GNB5: variants seen among roughly 807,000 people sequenced by gnomAD.
GNB5 encodes the protein G protein subunit beta 5.
Under a neutral mutation model 55.3 loss-of-function variants are expected in GNB5, and 37 were observed. That is an observed-to-expected ratio of 0.67 (90% confidence interval 0.51 to 0.88). GNB5 has a LOEUF of 0.88. Among genes scored for constraint, GNB5 ranks in the 40% least tolerant of loss-of-function variants. GNB5 has a pLI of 0.00. For missense variants in GNB5, 476 were observed against 515.3 expected, an observed-to-expected ratio of 0.92 and a Z score of 0.74; for synonymous variants, 219 against 198.5, an observed-to-expected ratio of 1.10 and a Z score of -0.87.
rs2141174663 is a variant in GNB5 at position 52,118,500 on chromosome 15, GT to G, written c.*4256del. The G allele has an allele frequency of 6.6e-6, 1 of 152,050 alleles. No homozygotes were observed. Among genetic ancestry groups the G allele is most frequent in the African/African-American group, 2.4e-5 (1 of 41,466 alleles). The allele number at this position is 152,050 out of a possible 1,614,324, so 9.4% of individuals were successfully genotyped here. ...TCTTGTGTTTTATAACTTTTTCTCA[GT>G]CTTAATTTCTAATACAATAAATATG... On this transcript the variant is annotated 3_prime_UTR_variant, in exon 13 of 13. Coordinates refer to ENST00000261837, the MANE Select transcript of GNB5 (RefSeq NM_016194.4).
At chr15:52,175,820 G>A (rs886489704) in intron 3 of GNB5, among the ~76,000 whole-genome samples, 10 of 152,034 alleles carry the variant, frequency 6.6e-5, no homozygotes, top group Admixed American at 3.9e-4. Flanking sequence ...GGAGGCCAAG[G>A]TGGACGGATC....
chr15:52,165,645 A>T (rs947331119), intron 3 of GNB5, among the ~76,000 whole-genome samples: 2 of 152,192 alleles, frequency 1.3e-5, no homozygotes, highest in African/African-American at 4.8e-5. Flanking sequence ...AGACAAGCAA[A>T]TGCTGAGGAA....
intron 8 of GNB5, 76 bp downstream of exon 8, chr15:52,135,537 T>C: frequency 7.6e-7 from 1 of 1,309,912 alleles, no homozygotes; most frequent in Non-Finnish European, 1.1e-6. Context: ...GCTAATCCCA[T>C]GAATGGACAA....
At chr15:52,168,813 T>A (rs552736966) in intron 3 of GNB5, among the ~76,000 whole-genome samples, 1 of 152,114 alleles carries the variant, frequency 6.6e-6, no homozygotes, top group South Asian at 2.1e-4. Context: ...AGAAATAAGA[T>A]TGCACACCTA....
chr15:52,155,543 T>C (rs996543226), intron 3 of GNB5, among the ~76,000 whole-genome samples: 2 of 152,214 alleles, frequency 1.3e-5, no homozygotes, highest in Admixed American at 6.5e-5. Flanking sequence ...TACAGACTTA[T>C]TGAGATACTG....
intron 9 of GNB5, among the ~76,000 whole-genome samples, chr15:52,131,246 C>T (rs916015976): frequency 1.3e-5 from 2 of 152,190 alleles, no homozygotes. Flanking sequence ...TGCATCTGTA[C>T]TGAACCTTTT....
intron 6 of GNB5, among the ~76,000 whole-genome samples, chr15:52,143,410 G>C (rs1695806145): frequency 1.3e-5 from 2 of 152,188 alleles, no homozygotes; most frequent in South Asian, 4.1e-4. Context: ...CTAATGTTGT[G>C]ATCTTGGTTA....
intron 8 of GNB5, among the ~76,000 whole-genome samples, chr15:52,134,691 T>G (rs1186553900): frequency 6.6e-6 from 1 of 152,040 alleles, no homozygotes; most frequent in Admixed American, 6.5e-5. Flanking sequence ...GCTCCCAGGA[T>G]CGATATGTGG....
chr15:52,190,928 C>T (rs569853789), intron 1 of GNB5, among the ~76,000 whole-genome samples: 113 of 151,788 alleles, frequency 7.4e-4, no homozygotes, highest in Non-Finnish European at 1.4e-3. Context: ...ATAACTGATA[C>T]ACACAATGTG....
At chr15:52,155,412 T>C (rs2034187269) in intron 3 of GNB5, among the ~76,000 whole-genome samples, 1 of 152,118 alleles carries the variant, frequency 6.6e-6, no homozygotes, top group South Asian at 2.1e-4. Flanking sequence ...GGGAAATCCT[T>C]CCTCCCATCC....
At chr15:52,187,507 A>G (rs2034862524) in intron 1 of GNB5, among the ~76,000 whole-genome samples, 1 of 152,178 alleles carries the variant, frequency 6.6e-6, no homozygotes, top group Non-Finnish European at 1.5e-5. Flanking sequence ...GAGGAGGAAT[A>G]GAAGGATGGC....
At chr15:52,155,368 T>G (rs2034185839) in intron 3 of GNB5, among the ~76,000 whole-genome samples, 1 of 152,220 alleles carries the variant, frequency 6.6e-6, no homozygotes, top group African/African-American at 2.4e-5. Flanking sequence ...GCCAACTCTG[T>G]GGTCTGAGTC....
rs1396562766 is a variant in GNB5, at chr15:52,116,142, T to C, written c.*6615A>G. The C allele has an allele frequency of 1.3e-5, 2 of 152,256 alleles. No individual in the cohort carries two copies. Among genetic ancestry groups the C allele is most frequent in the African/African-American group, 4.8e-5 (2 of 41,466 alleles). The allele number at this position is 152,256 out of a possible 1,614,324, so 9.4% of individuals were successfully genotyped here. ...ATGAACATTTGCATTCAAATTTCTG[T>C]GTGGACATATGTTTTAATTTCCCTT... is the stretch of plus-strand genomic sequence containing the variant. On this transcript the variant is annotated 3_prime_UTR_variant, in exon 13 of 13. Coordinates refer to ENST00000261837, the MANE Select transcript of GNB5 (RefSeq NM_016194.4).
In GNB5 at chr15:52,158,648, C is replaced by CT. The variant is rs563293671; in HGVS notation, c.239-4573dup. Among the ~76,000 whole-genome samples, 697 of 145,326 alleles carry CT rather than the reference C, an allele frequency of 4.8e-3. 5 individuals carry two copies. Among genetic ancestry groups the CT allele is most frequent in the Admixed American group, 0.018 (253 of 14,386 alleles). On this transcript the variant is annotated intron_variant, in intron 3 of 12. Coordinates refer to ENST00000261837, the MANE Select transcript of GNB5 (RefSeq NM_016194.4). ...TTTCTGATCCAAGGAGCTCACCAAC[C>CT]TTTTTTTTTTTTTAAAGTTCCTTTT...
At chr15:52,151,029 C>T (rs552694687) in intron 4 of GNB5, among the ~76,000 whole-genome samples, 4 of 152,350 alleles carry the variant, frequency 2.6e-5, no homozygotes, top group Non-Finnish European at 4.4e-5. Context: ...GCTGACGGAA[C>T]ATTTCTGTGT....
rs554576288 is a variant in GNB5, at chr15:52,178,336, G to T, written c.238+1432C>A. Among the ~76,000 whole-genome samples the T allele has an allele frequency of 6.0e-4, 91 of 152,294 alleles. 4 individuals are homozygous for T. The South Asian group carries it at 0.019, about 32-fold the overall frequency. ...TGTTGGCCAGGCTGGTCTCAAACTG[G>T]GAGAAGGATTTCTGGGAAAACTTTT... is the stretch of plus-strand genomic sequence containing the variant. On this transcript the variant is annotated intron_variant, in intron 3 of 12. Transcript: ENST00000261837.
At chr15:52,138,382 CA>C (rs1180646390) in intron 7 of GNB5, 3,960 of 71,276 alleles carry the variant, frequency 0.056, 123 homozygotes, top group African/African-American at 0.12. Flanking sequence ...GACTTGGTCT[CA>C]AAAAAAAAAA....
intron 4 of GNB5, 76 bp from the exon 5 acceptor site, chr15:52,150,001 T>C (rs1337293529): frequency 1.8e-6 from 2 of 1,117,844 alleles, no homozygotes; most frequent in African/African-American, 3.0e-5. Flanking sequence ...TCATAAAAGC[T>C]GTGTCCAGCA....
At chr15:52,186,435 GA>G in intron 1 of GNB5, among the ~76,000 whole-genome samples, 1 of 152,204 alleles carries the variant, frequency 6.6e-6, no homozygotes, top group East Asian at 1.9e-4. Flanking sequence ...AATGTAGTGG[GA>G]TGGACTTGGA....
Sources: gnomAD v4.1 joint callset for allele counts (sites outside exome capture counted in the v4.1 genomes callset) on GRCh38, gnomAD v4.1.1 for gene constraint, MANE v1.5 for transcripts, NCBI Gene and HGNC (gene_info 2026-07-23, HGNC 2026-07-21) for gene names.